PLEKHA6: variants seen among roughly 807,000 people sequenced by gnomAD.
PLEKHA6 encodes the protein pleckstrin homology domain containing A6, also known as pleckstrin homology domain-containing family A member 6.
PLEKHA6 carries 60 observed loss-of-function variants against 116.7 expected under a neutral mutation model. The observed-to-expected ratio is 0.51, with a 90% confidence interval of 0.42 to 0.64. The LOEUF (loss-of-function observed/expected upper bound fraction) is 0.64. Among genes scored for constraint, PLEKHA6 ranks in the 30% least tolerant of loss-of-function variants. The pLI is 0.00. For missense variants in PLEKHA6, 1,338 were observed against 1,422.7 expected, an observed-to-expected ratio of 0.94 and a Z score of 0.96; for synonymous variants, 489 against 556.1, an observed-to-expected ratio of 0.88 and a Z score of 1.70.
chr1:204,265,201 C>T (rs1455790430), intron 5 of PLEKHA6, among the ~76,000 whole-genome samples, 159 bp from the exon 6 acceptor site: 1 of 152,182 alleles, frequency 6.6e-6, no homozygotes, highest in African/African-American at 2.4e-5. Flanking sequence ...ACCACACATG[C>T]TCCGAGAGGA....
chr1:204,371,196 G>A (rs1673768092), intron 2 of PLEKHA6, among the ~76,000 whole-genome samples: 1 of 152,146 alleles, frequency 6.6e-6, no homozygotes, highest in Non-Finnish European at 1.5e-5. Flanking sequence ...AAGTTCTAGA[G>A]CGCAGCACTG....
chr1:204,369,900 G>A (rs1201461188), intron 2 of PLEKHA6, among the ~76,000 whole-genome samples: 4 of 152,192 alleles, frequency 2.6e-5, no homozygotes, highest in Non-Finnish European at 5.9e-5. Flanking sequence ...GCTGCAAGTT[G>A]GAAATACAAT....
At chr1:204,307,666 G>A (rs987763942) in intron 1 of PLEKHA6, among the ~76,000 whole-genome samples, 5 of 152,156 alleles carry the variant, frequency 3.3e-5, no homozygotes, top group African/African-American at 7.2e-5. Context: ...TGGCTTACCC[G>A]CCCTCGCGTT....
intron 2 of PLEKHA6, among the ~76,000 whole-genome samples, chr1:204,370,107 A>C (rs1572237312): frequency 1.3e-5 from 2 of 152,336 alleles, no homozygotes; most frequent in South Asian, 2.1e-4. Flanking sequence ...CTGCCTCCAA[A>C]ATGTATGCCT....
intron 1 of PLEKHA6, among the ~76,000 whole-genome samples, chr1:204,327,827 T>C (rs1424466177): frequency 6.6e-6 from 1 of 152,170 alleles, no homozygotes; most frequent in Non-Finnish European, 1.5e-5. Context: ...TCTCACTTGC[T>C]CCCATTCCTA....
chr1:204,247,364 C>A lies in PLEKHA6; in HGVS notation c.1920+1G>T. 2 of 1,601,696 alleles carry A rather than the reference C, an allele frequency of 1.2e-6. No individual in the cohort carries two copies. Among genetic ancestry groups the A allele is most frequent in the Non-Finnish European group, 1.7e-6 (2 of 1,169,042 alleles). The stretch of plus-strand genomic sequence containing the variant: ...CCGCCAGCTCAGGGGCCCTTCTTCA[C>A]CTGGGTGTCCAAATTGAGCTGCTCC... On this transcript the variant is annotated splice_donor_variant, in intron 13 of 22. Transcript: ENST00000272203. LOFTEE classifies it high-confidence loss of function.
At chr1:204,289,194 G>A (rs1669499285) in intron 1 of PLEKHA6, among the ~76,000 whole-genome samples, 1 of 152,118 alleles carries the variant, frequency 6.6e-6, no homozygotes, top group Non-Finnish European at 1.5e-5. Context: ...AACTCAATAA[G>A]CCTATATTTA....
At chr1:204,285,518 C>T (rs555508612) in intron 1 of PLEKHA6, among the ~76,000 whole-genome samples, 53 of 150,560 alleles carry the variant, frequency 3.5e-4, no homozygotes, top group Middle Eastern at 3.5e-3. Context: ...TTCTGTATCC[C>T]AGGCTGGAGT....
At chr1:204,246,808 T>C (rs976919307) in intron 13 of PLEKHA6, among the ~76,000 whole-genome samples, 2 of 152,244 alleles carry the variant, frequency 1.3e-5, no homozygotes, top group Non-Finnish European at 2.9e-5. Flanking sequence ...GCGCCTACTC[T>C]TCTAATGCCT....
At position 204,321,196 on chromosome 1, in the gene PLEKHA6, G is replaced by A. The variant is rs117853423; in HGVS notation, c.-95+38498C>T. ...AAGCACCACTCAGGGGAAGCCAAAG[G>A]CACTGAACTCTCATTCTGACCTCAC... On this transcript the variant is annotated intron_variant, in intron 1 of 22. Transcript: ENST00000272203. 1.9e-3 allele frequency among the ~76,000 whole-genome samples: 286 copies of A among 152,192 alleles called. 2 individuals are homozygous for A. The highest frequency in any genetic ancestry group is 2.9e-3 in the Non-Finnish European group (197 of 68,014).
At chr1:204,300,032 G>A (rs1035289978) in intron 1 of PLEKHA6, among the ~76,000 whole-genome samples, 1 of 152,170 alleles carries the variant, frequency 6.6e-6, no homozygotes, top group African/African-American at 2.4e-5. Flanking sequence ...AATGGCAGCC[G>A]CCATCTGACA....
At chr1:204,298,328 C>A (rs957495090) in intron 1 of PLEKHA6, among the ~76,000 whole-genome samples, 1 of 152,240 alleles carries the variant, frequency 6.6e-6, no homozygotes, top group Admixed American at 6.5e-5. Flanking sequence ...AAACAATGAG[C>A]TTTCCAACAG....
At position 204,248,917 on chromosome 1, in the gene PLEKHA6, T is replaced by C; in HGVS notation, c.1728A>G (p.Gly576=). The change falls in exon 12 of 23, where the codon GGA becomes GGG. Residue 576 remains glycine, a synonymous_variant. Transcript: ENST00000272203. The part of the protein sequence containing the change: ...MGTHQELEMF[G]SQPAYPEKLR... ...GCTTTTCTGGGTAGGCGGGCTGGCT[T>C]CCAAACATCTCCAGCTCCTGGTGGG... 6.2e-7 allele frequency: 1 copy of C among 1,614,110 alleles called. No individual in the cohort carries two copies. The highest frequency in any genetic ancestry group is 1.6e-4 in the Middle Eastern group (1 of 6,062).
intron 1 of PLEKHA6, among the ~76,000 whole-genome samples, chr1:204,321,169 T>C (rs1401614512): frequency 6.6e-6 from 1 of 152,002 alleles, no homozygotes; most frequent in East Asian, 1.9e-4. Flanking sequence ...GTCCACTACA[T>C]AAAGCACCAC....
intron 15 of PLEKHA6, among the ~76,000 whole-genome samples, chr1:204,244,403 A>C (rs538564027): frequency 6.6e-6 from 1 of 151,998 alleles, no homozygotes; most frequent in African/African-American, 2.4e-5. Flanking sequence ...GGCCTCCCAA[A>C]ATGCTGGGAT....
chr1:204,224,759 C>G (rs1660101774), intron 21 of PLEKHA6, among the ~76,000 whole-genome samples: 1 of 152,226 alleles, frequency 6.6e-6, no homozygotes, highest in Admixed American at 6.5e-5. Flanking sequence ...CATGACCCAA[C>G]ACTTGTAACT....
upstream of PLEKHA6, among the ~76,000 whole-genome samples, chr1:204,362,271 C>T (rs1441889415): frequency 3.3e-5 from 5 of 152,166 alleles, no homozygotes; most frequent in African/African-American, 1.2e-4. Flanking sequence ...GAGAAGCAAG[C>T]CTCACCTAAA....
chr1:204,270,255 A>C (rs1397592938), intron 3 of PLEKHA6, among the ~76,000 whole-genome samples: 2 of 151,850 alleles, frequency 1.3e-5, no homozygotes, highest in South Asian at 4.1e-4. Flanking sequence ...CCGCAATCAC[A>C]CTTTTATTAT....
At chr1:204,290,039 A>G (rs1669590318) in intron 1 of PLEKHA6, among the ~76,000 whole-genome samples, 1 of 152,226 alleles carries the variant, frequency 6.6e-6, no homozygotes, top group South Asian at 2.1e-4. Context: ...GAAGTGAAAT[A>G]AAATCCAAAT....
Sources: gnomAD v4.1 joint callset for allele counts (sites outside exome capture counted in the v4.1 genomes callset) on GRCh38, gnomAD v4.1.1 for gene constraint, MANE v1.5 for transcripts, NCBI Gene and HGNC (gene_info 2026-07-23, HGNC 2026-07-21) for gene names.